Variants in HAUS5 observed in about 807,000 individuals in gnomAD.
HAUS5 encodes HAUS augmin like complex subunit 5.
HAUS5 carries 67 observed loss-of-function variants against 94.1 expected under a neutral mutation model. The ratio of observed to expected loss-of-function variants is 0.71; its 90% CI spans 0.58 to 0.87. The LOEUF is 0.87. Among genes scored for constraint, HAUS5 ranks in the 40% least tolerant of loss-of-function variants. The pLI is 0.00. For missense variants in HAUS5, 739 were observed against 825.6 expected (o/e 0.90, Z 1.29); for synonymous variants, 339 against 355.4 (o/e 0.95, Z 0.52).
chr19:35,621,568 G>C (rs1037617129), intron 17 of HAUS5, among the ~76,000 whole-genome samples: 1 of 152,088 alleles, frequency 6.6e-6, no homozygotes, highest in African/African-American at 2.4e-5. Flanking sequence ...TGGAACTCCT[G>C]GTTCTCTCTA....
chr19:35,619,352 G>T, intron 13 of HAUS5, 72 bp from the exon 14 acceptor site: 1 of 1,233,714 alleles, frequency 8.1e-7, no homozygotes, highest in Middle Eastern at 2.0e-4. Flanking sequence ...GGCAGAAGCA[G>T]GACCTAAGCA....
At chr19:35,614,777 T>C (rs887559428) in intron 4 of HAUS5, among the ~76,000 whole-genome samples, 1 of 151,738 alleles carries the variant, frequency 6.6e-6, no homozygotes, top group Non-Finnish European at 1.5e-5. Context: ...GCCTTGGGAC[T>C]TCTAGGTGCA....
chr19:35,622,970 G>A lies in HAUS5; in HGVS notation c.1879G>A (p.Ala627Thr), dbSNP rs762527613. 17 of 1,611,720 alleles carry A rather than the reference G, an allele frequency of 1.1e-5. No individual in the cohort carries two copies. Among genetic ancestry groups the A allele is most frequent in the Non-Finnish European group, 1.4e-5 (17 of 1,178,728 alleles). ...WRLRWVQAQG[A>T]LQKLCS ...GCTGCGCTGGGTTCAGGCCCAGGGG[G>A]CCCTGCAGAAGCTGTGCAGCTGAAG... Residue 627 changes from alanine (A) to threonine (T), a missense_variant, in exon 19 of 19, where the codon GCC (alanine) becomes ACC (threonine). Ala to Thr is a moderately conservative substitution (Grantham distance 58). Transcript: ENST00000203166.
At position 35,618,901 on chromosome 19, in the gene HAUS5, T is replaced by C. The variant is rs972945792; in HGVS notation, c.1031T>C (p.Leu344Pro). The C allele has an allele frequency of 1.2e-6, 2 of 1,607,560 alleles. No homozygotes were observed. The highest frequency in any genetic ancestry group is 2.7e-5 in the African/African-American group (2 of 74,620). The change falls in exon 13 of 19, where the codon CTG (leucine) becomes CCG (proline). Residue 344 changes from leucine (L) to proline (P), a missense_variant. Physicochemically the swap from Leu to Pro is moderately conservative, Grantham distance 98. Transcript: ENST00000203166. ...LGSSERQVLILGLRRCCLWTE... is the reference protein window; with the variant it reads ...LGSSERQVLIPGLRRCCLWTE... ...TTGCCCTGCAGGCAGGTGCTGATAC[T>C]GGGGCTTCGGCGCTGTTGCCTGTGG...
intron 17 of HAUS5, among the ~76,000 whole-genome samples, chr19:35,620,853 C>T (rs1967198951): frequency 6.6e-6 from 1 of 152,232 alleles, no homozygotes; most frequent in Non-Finnish European, 1.5e-5. Flanking sequence ...AGTAAGCACC[C>T]TGTGTCTCCA....
intron 17 of HAUS5, 24 bp downstream of exon 17, chr19:35,620,351 C>G (rs1967190942): frequency 6.2e-7 from 1 of 1,604,182 alleles, no homozygotes; most frequent in African/African-American, 1.3e-5. Flanking sequence ...GCCACCCCAT[C>G]CAGCCTCCCC....
chr19:35,615,083 G>T lies in HAUS5; in HGVS notation c.261G>T (p.Leu87=), dbSNP rs1294553433. The T allele has an allele frequency of 1.2e-6, 2 of 1,606,114 alleles. No homozygotes were observed. Among genetic ancestry groups the T allele is most frequent in the African/African-American group, 1.3e-5 (1 of 74,776 alleles). ...KLELEAAVTR[L]RAEIQELDQS... is the part of the protein sequence containing the mutation. ...AGCTGGAAGCTGCTGTGACCCGCCT[G>T]CGGGCAGAAATCCAGGAACTCGACC... Residue 87 remains leucine, a synonymous_variant, in exon 5 of 19, where the codon CTG becomes CTT. Coordinates refer to ENST00000203166, the MANE Select transcript of HAUS5 (RefSeq NM_015302.2).
chr19:35,620,011 G>A lies in HAUS5; in HGVS notation c.1407-1G>A, dbSNP rs1568329793. On this transcript the variant is annotated splice_acceptor_variant, in intron 15 of 18. Transcript: ENST00000203166. LOFTEE classifies it high-confidence loss of function. ...CAACCCAGACTTCTCCCCGCCCGTA[G>A]GTTGAAGCCCCTGCCCACGGTCCTC... The A allele has an allele frequency of 6.2e-7, 1 of 1,611,346 alleles. No individual in the cohort carries two copies. The highest frequency in any genetic ancestry group is 2.2e-5 in the East Asian group (1 of 44,670).
At chr19:35,618,234 G>C in intron 10 of HAUS5, 39 bp downstream of exon 10, 1 of 1,596,114 alleles carries the variant, frequency 6.3e-7, no homozygotes, top group Non-Finnish European at 8.6e-7. Flanking sequence ...GGAAGGCCAT[G>C]TGAGTGGGTG....
rs1360787109 is a variant in HAUS5 at position 35,615,139 on chromosome 19, A to G, written c.317A>G (p.Glu106Gly). ...CTGGAGCTGATGGAGCGAGACACTG[A>G]GGCTCAGGGTGAGCCATGGGGCCAG... The part of the protein sequence containing the change: ...QSLELMERDT[E>G]AQDTAMEQAR... Residue 106 changes from glutamate (E) to glycine (G), a missense_variant, in exon 5 of 19, where the codon GAG (glutamate) becomes GGG (glycine). Transcript: ENST00000203166. The G allele has an allele frequency of 6.2e-7, 1 of 1,610,428 alleles. No homozygotes were observed. Among genetic ancestry groups the G allele is most frequent in the East Asian group, 2.2e-5 (1 of 44,738 alleles).
In HAUS5 at chr19:35,623,065, G is replaced by T. The variant is rs1429619412; in HGVS notation, c.*72G>T. On this transcript the variant is annotated 3_prime_UTR_variant, in exon 19 of 19. Coordinates refer to ENST00000203166, the MANE Select transcript of HAUS5 (RefSeq NM_015302.2). The stretch of plus-strand genomic sequence containing the variant: ...ACACCTCACCTCCCCCAGGACATTT[G>T]GAAGAAAGCAGCGCCAGGATTCCTC... The T allele has an allele frequency of 9.5e-7, 1 of 1,050,784 alleles. No individual in the cohort carries two copies. The highest frequency in any genetic ancestry group is 2.4e-5 in the East Asian group (1 of 42,136). 65.1% of individuals were successfully genotyped at this position (1,050,784 alleles called of 1,614,324 possible). A position where few individuals can be genotyped will look rare whatever the true frequency, so the allele number is the denominator to read the frequency against.
intron 1 of HAUS5, chr19:35,613,526 A>G: frequency 1.7e-6 from 1 of 587,156 alleles, no homozygotes; most frequent in South Asian, 2.1e-5. Flanking sequence ...TTGAGGCTGC[A>G]AGGAGCTATG....
At position 35,612,878 on chromosome 19, in the gene HAUS5, A is replaced by G. The variant is rs1338325515; in HGVS notation, c.84A>G (p.Glu28=). The G allele has an allele frequency of 6.5e-6, 10 of 1,545,176 alleles. No homozygotes were observed. Among genetic ancestry groups the G allele is most frequent in the South Asian group, 1.2e-5 (1 of 83,556 alleles). The change falls in exon 1 of 19, where the codon GAA becomes GAG. Residue 28 remains glutamate (E), a synonymous_variant. Coordinates refer to ENST00000203166, the MANE Select transcript of HAUS5 (RefSeq NM_015302.2). The stretch of plus-strand genomic sequence containing the variant: ...TGCCCGTGGCGGCCCGGGCCCCGGA[A>G]TCGACGCTGCGCAGGTGAGGACCGC... The part of the protein sequence containing the change: ...MGVPVAARAP[E]STLRRLCLGQ...
At chr19:35,615,646 C>T (rs146282765) in intron 6 of HAUS5, among the ~76,000 whole-genome samples, 4 of 152,314 alleles carry the variant, frequency 2.6e-5, no homozygotes, top group Non-Finnish European at 5.9e-5. Flanking sequence ...GGAGCTTATG[C>T]TGTGACACAG....
Position 35,623,033 on chromosome 19 carries a change from C to A in HAUS5, c.*40C>A. 7.9e-7 allele frequency: 1 copy of A among 1,267,752 alleles called. No individual in the cohort carries two copies. The highest frequency in any genetic ancestry group is 1.3e-5 in the South Asian group (1 of 79,394). The allele number at this position is 1,267,752 out of a possible 1,614,324, so 78.5% of individuals were successfully genotyped here. A position where few individuals can be genotyped will look rare whatever the true frequency, so the allele number is the denominator to read the frequency against. ...CGGAAGCCGAGAACTTGACACTGTTCACCCCAACACCTCACCTCCCCCAGG... is the reference window on the plus strand; with the variant it reads ...CGGAAGCCGAGAACTTGACACTGTTAACCCCAACACCTCACCTCCCCCAGG... On this transcript the variant is annotated 3_prime_UTR_variant, in exon 19 of 19. Transcript: ENST00000203166.
Position 35,617,360 on chromosome 19 carries a change from G to T in HAUS5, c.629G>T (p.Gly210Val). Residue 210 changes from glycine (G) to valine (V), a missense_variant, in exon 8 of 19, where the codon GGC (glycine) becomes GTC (valine). By Grantham distance (109) the Gly-to-Val change is moderately radical. Transcript: ENST00000203166. ...QNLLLPQAKR[G>V]SLPTPHDDHF... ...CTCCTGCTTCCCCAGGCCAAGAGGG[G>T]CAGCCTCCCGTGAGTGTCCCTAGCC... 6.2e-7 allele frequency: 1 copy of T among 1,611,660 alleles called. No homozygotes were observed. The highest frequency in any genetic ancestry group is 8.5e-7 in the Non-Finnish European group (1 of 1,177,748).
intron 17 of HAUS5, 35 bp downstream of exon 17, chr19:35,620,362 G>A (rs967051124): frequency 4.4e-6 from 7 of 1,593,888 alleles, no homozygotes; most frequent in Middle Eastern, 1.7e-4. Flanking sequence ...CAGCCTCCCC[G>A]CCCATTCCCA....
At chr19:35,617,404 A>G in intron 8 of HAUS5, 35 bp downstream of exon 8, 4 of 1,438,446 alleles carry the variant, frequency 2.8e-6, no homozygotes, top group Non-Finnish European at 2.9e-6. Flanking sequence ...CCCTGTAAAG[A>G]CCCTGGGTTT....
Position 35,619,726 on chromosome 19 carries a change from G to A in HAUS5, c.1374G>A (p.Leu458=), listed in dbSNP as rs1473768434. 6 of 1,565,706 alleles carry A rather than the reference G, an allele frequency of 3.8e-6. No individual in the cohort carries two copies. In the Admixed American group the frequency reaches 9.5e-5, roughly 25 times the overall value. Residue 458 remains leucine, a synonymous_variant, in exon 15 of 19, where the codon CTG becomes CTA. Transcript: ENST00000203166. ...EEEVRHLPHI[L]LGTLLRHRPG... is the part of the protein sequence containing the mutation. ...AAGTCCGGCATTTGCCCCACATTCT[G>A]TTGGGCACGCTGCTGCGGCACAGGC...
Sources: gnomAD v4.1 joint callset for allele counts (sites outside exome capture counted in the v4.1 genomes callset) on GRCh38, gnomAD v4.1.1 for gene constraint, MANE v1.5 for transcripts, NCBI Gene and HGNC (gene_info 2026-07-23, HGNC 2026-07-21) for gene names.